Variants in ARSB observed in about 807,000 individuals in gnomAD.
ARSB encodes arylsulfatase B.
ARSB carries 41 observed loss-of-function variants against 50.9 expected under a neutral mutation model. The observed-to-expected ratio is 0.81, with a 90% CI of 0.63 to 1.04. ARSB has a LOEUF of 1.04. Among genes scored for constraint, ARSB ranks in the 50% least tolerant of loss-of-function variants. The probability of loss-of-function intolerance (pLI) is 0.00; values close to 1 mark genes in which losing one functional copy is unlikely to be tolerated. For synonymous variants in ARSB, 269 were observed against 284.8 expected (o/e 0.94, Z 0.56); for missense variants, 672 against 693.3 (o/e 0.97, Z 0.35).
intron 5 of ARSB, among the ~76,000 whole-genome samples, chr5:78,844,452 G>C (rs566467532): frequency 6.6e-6 from 1 of 152,174 alleles, no homozygotes; most frequent in Admixed American, 6.5e-5. Flanking sequence ...TCCCTTATCT[G>C]ATACATGATT....
At chr5:78,949,163 G>C (rs1411293475) in intron 4 of ARSB, among the ~76,000 whole-genome samples, 1 of 152,088 alleles carries the variant, frequency 6.6e-6, no homozygotes, top group Non-Finnish European at 1.5e-5. Flanking sequence ...GGGTAGAGGT[G>C]GCAAGGAATG....
chr5:78,829,225 T>C (rs1450574594), intron 6 of ARSB, among the ~76,000 whole-genome samples: 3 of 152,242 alleles, frequency 2.0e-5, no homozygotes, highest in Non-Finnish European at 4.4e-5. Flanking sequence ...AATAGAGTGA[T>C]GGTTAAGTAT....
chr5:78,892,767 A>G (rs545158617), intron 4 of ARSB, among the ~76,000 whole-genome samples: 43 of 152,320 alleles, frequency 2.8e-4, no homozygotes, highest in African/African-American at 9.4e-4. Context: ...TCAAATACAC[A>G]TTTGATTATT....
At chr5:78,806,821 T>A (rs59339588) in intron 6 of ARSB, among the ~76,000 whole-genome samples, 38,203 of 151,944 alleles carry the variant, frequency 0.25, 6,886 homozygotes, top group African/African-American at 0.51. Context: ...ACCACCGGAA[T>A]GTGCCATGTG....
At position 78,911,048 on chromosome 5, in the gene ARSB, G is replaced by C. The variant is rs73113967; in HGVS notation, c.899-25221C>G. 6.1e-3 allele frequency among the ~76,000 whole-genome samples: 934 copies of C among 152,334 alleles called. 8 individuals are homozygous for C. Among genetic ancestry groups the C allele is most frequent in the African/African-American group, 0.022 (905 of 41,574 alleles). On this transcript the variant is annotated intron_variant, in intron 4 of 7. Coordinates refer to ENST00000264914, the MANE Select transcript of ARSB (RefSeq NM_000046.5). ...AACAAAAGTGATTCAAGTGTCAAGTGTGGTTGAATGGTGAGAATGAAAAAA... is the reference window on the plus strand; with the variant it reads ...AACAAAAGTGATTCAAGTGTCAAGTCTGGTTGAATGGTGAGAATGAAAAAA...
chr5:78,954,946 A>C (rs1751650668), intron 4 of ARSB, among the ~76,000 whole-genome samples: 1 of 152,134 alleles, frequency 6.6e-6, no homozygotes, highest in African/African-American at 2.4e-5. Flanking sequence ...GGGAGTTGTG[A>C]CCATAGAGGA....
chr5:78,793,076 G>T (rs536096569), intron 6 of ARSB, among the ~76,000 whole-genome samples: 4 of 150,404 alleles, frequency 2.7e-5, no homozygotes, highest in Admixed American at 6.6e-5. Context: ...ACCTGTCTTT[G>T]GTTCCCTTAG....
At chr5:78,858,144 T>C (rs1489284381) in intron 5 of ARSB, among the ~76,000 whole-genome samples, 2 of 152,188 alleles carry the variant, frequency 1.3e-5, no homozygotes, top group South Asian at 2.1e-4. Context: ...GATGTACACA[T>C]GGCCTCAGTG....
chr5:78,836,868 T>C (rs1377038736), intron 6 of ARSB, among the ~76,000 whole-genome samples: 2 of 152,142 alleles, frequency 1.3e-5, no homozygotes, highest in African/African-American at 2.4e-5. Flanking sequence ...CTCAGGAACT[T>C]ACAATCATGA....
intron 6 of ARSB, among the ~76,000 whole-genome samples, chr5:78,794,856 G>C (rs1253424488): frequency 6.6e-6 from 1 of 152,132 alleles, no homozygotes; most frequent in African/African-American, 2.4e-5. Context: ...CAGTTGTCCA[G>C]GCTGCCTCTT....
chr5:78,847,414 A>G (rs1361744897), intron 5 of ARSB, among the ~76,000 whole-genome samples: 4 of 152,112 alleles, frequency 2.6e-5, no homozygotes, highest in African/African-American at 9.7e-5. Context: ...GGCATGAGAC[A>G]CCACACCTGG....
chr5:78,845,254 T>C (rs1009052573), intron 5 of ARSB, among the ~76,000 whole-genome samples: 2 of 152,152 alleles, frequency 1.3e-5, no homozygotes, highest in African/African-American at 4.8e-5. Flanking sequence ...TGTGTATATA[T>C]ACCATATTTT....
chr5:78,815,658 A>G, intron 6 of ARSB: 5 of 1,006,712 alleles, frequency 5.0e-6, no homozygotes, highest in Non-Finnish European at 5.9e-6. Context: ...AGTTCCAAAC[A>G]TTATTCACTG....
intron 4 of ARSB, among the ~76,000 whole-genome samples, chr5:78,917,349 T>C (rs1749600775): frequency 6.6e-6 from 1 of 152,216 alleles, no homozygotes; most frequent in African/African-American, 2.4e-5. Flanking sequence ...TCATTACTTC[T>C]CTCTCATTAT....
chr5:78,897,641 C>T (rs917380675), intron 4 of ARSB, among the ~76,000 whole-genome samples: 1 of 152,060 alleles, frequency 6.6e-6, no homozygotes, highest in Non-Finnish European at 1.5e-5. Flanking sequence ...ATGTTTATGG[C>T]CCATGGGAGT....
At position 78,886,630 on chromosome 5, in the gene ARSB, T is replaced by C. The variant is rs186551744; in HGVS notation, c.899-803A>G. On this transcript the variant is annotated intron_variant, in intron 4 of 7. Coordinates refer to ENST00000264914, the MANE Select transcript of ARSB (RefSeq NM_000046.5). The stretch of plus-strand genomic sequence containing the variant: ...CAAATGAGGGCTCAGAGTTAAGACA[T>C]TAAAGTGGGCAGTAGAAAAGAAAAA... Among the ~76,000 whole-genome samples the C allele has an allele frequency of 5.9e-5, 9 of 152,204 alleles. No homozygotes were observed. In the East Asian group the frequency reaches 1.5e-3, roughly 26 times the overall value.
intron 5 of ARSB, among the ~76,000 whole-genome samples, chr5:78,856,544 T>C (rs1185113213): frequency 1.3e-5 from 2 of 152,156 alleles, no homozygotes; most frequent in African/African-American, 4.8e-5. Context: ...CCAAAGTGGG[T>C]TGGAGAAAAA....
At chr5:78,827,101 C>T (rs1744465436) in intron 6 of ARSB, among the ~76,000 whole-genome samples, 1 of 152,178 alleles carries the variant, frequency 6.6e-6, no homozygotes, top group African/African-American at 2.4e-5. Context: ...CAAATAGAGC[C>T]CACCTAGACA....
chr5:78,911,572 TAAAAAAAAAAAAAAAAA>T lies in ARSB; in HGVS notation c.899-25762_899-25746del, dbSNP rs71001137. Among the ~76,000 whole-genome samples the T allele has an allele frequency of 8.3e-4, 56 of 67,854 alleles. 2 individuals carry two copies. The highest frequency in any genetic ancestry group is 6.0e-3 in the South Asian group (10 of 1,668). The allele number at this position is 67,854 out of a possible 152,430, so 44.5% of individuals were successfully genotyped here. On this transcript the variant is annotated intron_variant, in intron 4 of 7. Transcript: ENST00000264914. ...CTGGGGAACAGAGTGAGACTCCCTC[TAAAAAAAAAAAAAAAAA>T]AAAAAAAAAAAAAAAAAAAAAAGAA...
Sources: gnomAD v4.1 joint callset for allele counts (sites outside exome capture counted in the v4.1 genomes callset) on GRCh38, gnomAD v4.1.1 for gene constraint, MANE v1.5 for transcripts, NCBI Gene and HGNC (gene_info 2026-07-23, HGNC 2026-07-21) for gene names.